TEC: variants seen among roughly 807,000 people sequenced by gnomAD.
TEC encodes tyrosine-protein kinase Tec.
TEC carries 72 observed loss-of-function variants against 93.0 expected under a neutral mutation model. The observed-to-expected ratio is 0.77, with a 90% CI of 0.64 to 0.94. The LOEUF (loss-of-function observed/expected upper bound fraction) is 0.94, where lower values mean the gene tolerates loss of function less well. TEC is among the 40% of genes least tolerant of loss of function. TEC has a pLI of 0.00. For missense variants in TEC, 630 were observed against 757.9 expected (o/e 0.83, Z 1.98); for synonymous variants, 249 against 247.7 (o/e 1.01, Z -0.05).
intron 2 of TEC, among the ~76,000 whole-genome samples, chr4:48,179,045 T>C (rs1721446367): frequency 6.6e-6 from 1 of 152,186 alleles, no homozygotes; most frequent in African/African-American, 2.4e-5. Context: ...TTAGTGGCCC[T>C]GACTTTGGGT....
Position 48,264,528 on chromosome 4 carries a change from G to A in TEC, c.-46+5224C>T, listed in dbSNP as rs79247526. ...AAAAGAATGGAAAAGGCTTCTCTGAGGACTCTCACCAGCCCAAGAGGTAAC... is the reference window on the plus strand; with the variant it reads ...AAAAGAATGGAAAAGGCTTCTCTGAAGACTCTCACCAGCCCAAGAGGTAAC... On this transcript the variant is annotated intron_variant, in intron 1 of 17. Coordinates refer to ENST00000381501, the MANE Select transcript of TEC (RefSeq NM_003215.3). Among the ~76,000 whole-genome samples, 903 of 152,180 alleles carry A rather than the reference G, an allele frequency of 5.9e-3. 11 individuals are homozygous for A. Among genetic ancestry groups the A allele is most frequent in the African/African-American group, 0.02 (810 of 41,510 alleles).
chr4:48,205,553 G>A (rs1305645015), intron 2 of TEC, among the ~76,000 whole-genome samples: 1 of 152,160 alleles, frequency 6.6e-6, no homozygotes, highest in African/African-American at 2.4e-5. Flanking sequence ...CACCAGACAG[G>A]AGGTTTTCCA....
At chr4:48,213,697 T>TTGTCATG in intron 2 of TEC, among the ~76,000 whole-genome samples, 1 of 152,256 alleles carries the variant, frequency 6.6e-6, no homozygotes, top group Non-Finnish European at 1.5e-5. Flanking sequence ...GTGATTTCTT[T>TTGTCATG]TGACAGTTGA....
rs1719897921 is a variant in TEC, at chr4:48,146,194, T to C, written c.1081+131A>G. The C allele has an allele frequency of 1.5e-5, 11 of 734,816 alleles. 1 individual carries two copies. Among genetic ancestry groups the C allele is most frequent in the South Asian group, 8.4e-5 (4 of 47,602 alleles). The allele number at this position is 734,816 out of a possible 1,614,324, so 45.5% of individuals were successfully genotyped here. A position where few individuals can be genotyped will look rare whatever the true frequency, so the allele number is the denominator to read the frequency against. On this transcript the variant is annotated intron_variant, in intron 12 of 17. Coordinates refer to ENST00000381501, the MANE Select transcript of TEC (RefSeq NM_003215.3). ...GCTGCTATGGTCTTAAGTATAATTA[T>C]CTAAAAACCTATACTATAAACTTAT...
At position 48,228,631 on chromosome 4, in the gene TEC, C is replaced by T. The variant is rs753387049; in HGVS notation, c.-17G>A. 4 of 1,607,770 alleles carry T rather than the reference C, an allele frequency of 2.5e-6. No individual in the cohort carries two copies. The highest frequency in any genetic ancestry group is 3.4e-6 in the Non-Finnish European group (4 of 1,177,996). On this transcript the variant is annotated 5_prime_UTR_variant, in exon 2 of 18. Coordinates refer to ENST00000381501, the MANE Select transcript of TEC (RefSeq NM_003215.3). ...AAAATTCATCTCCGTCTTCTGATTA[C>T]TCCTCCTGCCACTGAAGATCCCAGT...
At position 48,176,170 on chromosome 4, in the gene TEC, C is replaced by T; in HGVS notation, c.155G>A (p.Gly52Glu). 6.2e-7 allele frequency: 1 copy of T among 1,611,414 alleles called. No individual in the cohort carries two copies. Among genetic ancestry groups the T allele is most frequent in the Non-Finnish European group, 8.5e-7 (1 of 1,178,034 alleles). Reference protein sequence around the residue: ...EGRAEKKYRKGFIDVSKIKCV... With the variant: ...EGRAEKKYRKEFIDVSKIKCV... ...CTTGATTTTTGAAACATCAATAAAC[C>T]CCTTTCTGTATTTCTTCTGTTAAAA... is the stretch of plus-strand genomic sequence containing the variant. Residue 52 changes from glycine (G) to glutamate (E), a missense_variant, in exon 3 of 18, where the codon GGG becomes GAG. Around this residue, in one of 3 missense-constraint regions of TEC, gnomAD observed 335 missense variants for 351.5 expected, o/e 0.95. Transcript: ENST00000381501.
At chr4:48,217,668 T>C (rs1301187649) in intron 2 of TEC, among the ~76,000 whole-genome samples, 2 of 152,194 alleles carry the variant, frequency 1.3e-5, no homozygotes, top group African/African-American at 4.8e-5. Context: ...TCACCATAGA[T>C]ATTTTAAAAC....
At chr4:48,207,100 A>T (rs968484566) in intron 2 of TEC, among the ~76,000 whole-genome samples, 1 of 152,216 alleles carries the variant, frequency 6.6e-6, no homozygotes, top group Non-Finnish European at 1.5e-5. Flanking sequence ...AAGAATGTGT[A>T]GGGTTTAGGT....
intron 1 of TEC, among the ~76,000 whole-genome samples, chr4:48,240,155 C>T (rs1723889326): frequency 6.6e-6 from 1 of 152,004 alleles, no homozygotes; most frequent in Non-Finnish European, 1.5e-5. Context: ...GAGTTGATAA[C>T]TATTGAAGTT....
intron 1 of TEC, among the ~76,000 whole-genome samples, chr4:48,260,632 T>C (rs564421199): frequency 6.7e-6 from 1 of 148,994 alleles, no homozygotes; most frequent in East Asian, 2.0e-4. Flanking sequence ...AAAAAAAATC[T>C]AAGTGTCCAA....
intron 9 of TEC, 105 bp from the exon 10 acceptor site, chr4:48,151,047 T>A: frequency 1.3e-6 from 1 of 743,718 alleles, no homozygotes; most frequent in Non-Finnish European, 2.0e-6. Context: ...TTATTATTCT[T>A]TCCCAGAAAA....
At chr4:48,164,988 G>A (rs370773128) in intron 7 of TEC, among the ~76,000 whole-genome samples, 19 of 152,086 alleles carry the variant, frequency 1.2e-4, no homozygotes, top group African/African-American at 4.1e-4. Context: ...TCCAGCCTGC[G>A]AGACAGAACG....
chr4:48,139,502 C>CA (rs892820619), intron 15 of TEC, among the ~76,000 whole-genome samples: 2 of 151,122 alleles, frequency 1.3e-5, no homozygotes, highest in African/African-American at 2.5e-5. Context: ...ATAGCAAATG[C>CA]AAAAAAACAA....
At position 48,136,000 on chromosome 4, in the gene TEC, A is replaced by T. The variant is rs760289216; in HGVS notation, c.*1416T>A. 4.6e-5 allele frequency: 7 copies of T among 152,174 alleles called. No individual in the cohort carries two copies. The highest frequency in any genetic ancestry group is 1.0e-4 in the Non-Finnish European group (7 of 68,042). The allele number at this position is 152,174 out of a possible 1,614,324, so 9.4% of individuals were successfully genotyped here. A position where few individuals can be genotyped will look rare whatever the true frequency, so the allele number is the denominator to read the frequency against. ...AGCAGACCATCGTGGCCTGCAGAGG[A>T]GACGCAACTCCTGAAGGGAAGGCGC... is the stretch of plus-strand genomic sequence containing the variant. On this transcript the variant is annotated 3_prime_UTR_variant, in exon 18 of 18. Transcript: ENST00000381501.
chr4:48,236,989 C>A (rs1485722036), intron 1 of TEC, among the ~76,000 whole-genome samples: 1 of 152,068 alleles, frequency 6.6e-6, no homozygotes, highest in African/African-American at 2.4e-5. Flanking sequence ...TCACTATATG[C>A]CCCACAAATA....
intron 1 of TEC, among the ~76,000 whole-genome samples, chr4:48,253,179 T>C (rs1225669060): frequency 6.6e-6 from 1 of 152,170 alleles, no homozygotes; most frequent in African/African-American, 2.4e-5. Context: ...ATACGTAAGT[T>C]ATCTTACTTT....
At chr4:48,144,234 T>A (rs1719808794) in intron 14 of TEC, among the ~76,000 whole-genome samples, 1 of 152,164 alleles carries the variant, frequency 6.6e-6, no homozygotes, top group Non-Finnish European at 1.5e-5. Flanking sequence ...AAAATTTTTT[T>A]AAAGTTTTTC....
chr4:48,157,003 C>A (rs181598807), intron 8 of TEC, among the ~76,000 whole-genome samples: 1 of 152,224 alleles, frequency 6.6e-6, no homozygotes, highest in East Asian at 1.9e-4. Flanking sequence ...TATACGATAA[C>A]CTGAATTTTT....
Position 48,156,236 on chromosome 4 carries a change from A to G in TEC, c.792+444T>C, listed in dbSNP as rs116215843. 5.9e-3 allele frequency among the ~76,000 whole-genome samples: 906 copies of G among 152,286 alleles called. 4 individuals carry two copies. Among genetic ancestry groups the G allele is most frequent in the African/African-American group, 0.021 (879 of 41,560 alleles). ...GATGTAACCTTGAAGTGAAACCGCAATGATGACCAGTGCTCGATCCCCACT... is the reference window on the plus strand; with the variant it reads ...GATGTAACCTTGAAGTGAAACCGCAGTGATGACCAGTGCTCGATCCCCACT... On this transcript the variant is annotated intron_variant, in intron 9 of 17. Coordinates refer to ENST00000381501, the MANE Select transcript of TEC (RefSeq NM_003215.3).
Sources: allele counts gnomAD v4.1 joint callset (sites outside exome capture counted in the v4.1 genomes callset), GRCh38; gene constraint gnomAD v4.1.1; regional missense constraint gnomAD v4.1.1; transcripts MANE v1.5; gene names NCBI Gene and HGNC (gene_info 2026-07-23, HGNC 2026-07-21).